The following PIGK variants were observed in gnomAD, a reference collection of about 807,000 sequenced individuals.
PIGK encodes GPI-anchor transamidase.
Under a neutral mutation model 50.6 loss-of-function variants are expected in PIGK, and 42 were observed. The ratio of observed to expected loss-of-function variants is 0.83; its 90% CI spans 0.65 to 1.07. The LOEUF (loss-of-function observed/expected upper bound fraction) is 1.07, where lower values mean the gene tolerates loss of function less well. Ranked by LOEUF, PIGK falls within the 50% of genes least tolerant of loss-of-function variation. The pLI is 0.00. For synonymous variants in PIGK, 151 were observed against 156.0 expected, an observed-to-expected ratio of 0.97 and a Z score of 0.24; for missense variants, 448 against 488.7, an observed-to-expected ratio of 0.92 and a Z score of 0.78.
intron 9 of PIGK, among the ~76,000 whole-genome samples, chr1:77,137,298 T>C (rs1035205911): frequency 6.6e-6 from 1 of 152,142 alleles, no homozygotes; most frequent in African/African-American, 2.4e-5. Context: ...CAACATAAGC[T>C]AGAAGAACCA....
chr1:77,124,287 T>G (rs1258267887), intron 9 of PIGK, among the ~76,000 whole-genome samples: 1 of 152,168 alleles, frequency 6.6e-6, no homozygotes, highest in Non-Finnish European at 1.5e-5. Context: ...CAGTGTATCT[T>G]TTAAAAGTTT....
intron 10 of PIGK, among the ~76,000 whole-genome samples, chr1:77,107,555 T>A (rs1459670499): frequency 1.3e-5 from 2 of 152,298 alleles, no homozygotes; most frequent in East Asian, 3.9e-4. Flanking sequence ...CTGAGAAGAA[T>A]GTATATTTTG....
intron 10 of PIGK, among the ~76,000 whole-genome samples, chr1:77,104,331 G>A (rs1275862973): frequency 6.6e-6 from 1 of 151,868 alleles, no homozygotes; most frequent in Admixed American, 6.6e-5. Flanking sequence ...TAAATCAAAT[G>A]TAAAGAAAAA....
rs1037777705 is a variant in PIGK, at chr1:77,159,111, G to C, written c.813+2184C>G. ...AGGACCCCCTGCACTGTGCAGTCTA[G>C]GGACTTGATGTCCTGTGTCCCAGCC... On this transcript the variant is annotated intron_variant, in intron 8 of 10. Coordinates refer to ENST00000370812, the MANE Select transcript of PIGK (RefSeq NM_005482.3). Among the ~76,000 whole-genome samples, 7 of 152,196 alleles carry C rather than the reference G, an allele frequency of 4.6e-5. No homozygotes were observed. The South Asian group carries it at 8.3e-4, about 18-fold the overall frequency.
rs115723718 is a variant in PIGK at position 77,092,181 on chromosome 1, T to C, written c.*193A>G. ...ATACACAAAATACAAAACTGGAATATATTTAGTGCCATTAAGCAGTTGCAT... is the reference window on the plus strand; with the variant it reads ...ATACACAAAATACAAAACTGGAATACATTTAGTGCCATTAAGCAGTTGCAT... On this transcript the variant is annotated 3_prime_UTR_variant, in exon 11 of 11. Transcript: ENST00000370812. The C allele has an allele frequency of 1.1e-3, 399 of 370,896 alleles. No individual in the cohort carries two copies. The highest frequency in any genetic ancestry group is 7.6e-3 in the African/African-American group (353 of 46,648). The allele number at this position is 370,896 out of a possible 1,614,324, so 23.0% of individuals were successfully genotyped here.
At chr1:77,208,026 G>A (rs1198207202) in intron 2 of PIGK, among the ~76,000 whole-genome samples, 2 of 151,890 alleles carry the variant, frequency 1.3e-5, no homozygotes, top group Non-Finnish European at 2.9e-5. Context: ...GTTAAAGAAC[G>A]GCCTAGGCAA....
rs186093498 is a variant in PIGK, at chr1:77,173,218, G to A, written c.240-3823C>T. Among the ~76,000 whole-genome samples the A allele has an allele frequency of 1.2e-3, 183 of 152,234 alleles. 1 individual carries two copies. Among genetic ancestry groups the A allele is most frequent in the African/African-American group, 4.1e-3 (172 of 41,522 alleles). On this transcript the variant is annotated intron_variant, in intron 3 of 10. Coordinates refer to ENST00000370812, the MANE Select transcript of PIGK (RefSeq NM_005482.3). ...CAATAGAACATTCCAAATGAACAAC[G>A]CAGTGAAATGCATTTAAAACAATGA... is the stretch of plus-strand genomic sequence containing the variant.
At chr1:77,191,543 T>TA (rs909527718) in intron 3 of PIGK, among the ~76,000 whole-genome samples, 14 of 152,210 alleles carry the variant, frequency 9.2e-5, no homozygotes, top group African/African-American at 2.7e-4. Flanking sequence ...ACATTTTGCC[T>TA]AAAAAATGTA....
chr1:77,200,969 T>A (rs1389832434), intron 3 of PIGK, among the ~76,000 whole-genome samples: 1 of 152,212 alleles, frequency 6.6e-6, no homozygotes, highest in Non-Finnish European at 1.5e-5. Flanking sequence ...GAATCCATTT[T>A]GGCAGCTGTT....
intron 3 of PIGK, among the ~76,000 whole-genome samples, chr1:77,186,580 G>C (rs1464155271): frequency 6.6e-6 from 1 of 152,200 alleles, no homozygotes; most frequent in East Asian, 1.9e-4. Flanking sequence ...TCCCATGTGA[G>C]AGCTCAGCAA....
At chr1:77,122,198 A>C in intron 10 of PIGK, 77 bp downstream of exon 10, 2 of 951,404 alleles carry the variant, frequency 2.1e-6, no homozygotes, top group Non-Finnish European at 3.4e-6. Flanking sequence ...ATTGATTCTG[A>C]AAAACCTAAC....
chr1:77,138,915 C>CT (rs1246976038), intron 9 of PIGK, among the ~76,000 whole-genome samples: 1 of 152,102 alleles, frequency 6.6e-6, no homozygotes, highest in Non-Finnish European at 1.5e-5. Flanking sequence ...GAGAGTATGA[C>CT]TGATTACATA....
In PIGK at chr1:77,092,363, C is replaced by A. The variant is rs758136291; in HGVS notation, c.*11G>T. The A allele has an allele frequency of 8.5e-7, 1 of 1,181,578 alleles. No individual in the cohort carries two copies. The highest frequency in any genetic ancestry group is 1.2e-6 in the Non-Finnish European group (1 of 804,254). The allele number at this position is 1,181,578 out of a possible 1,614,324, so 73.2% of individuals were successfully genotyped here. On this transcript the variant is annotated 3_prime_UTR_variant, in exon 11 of 11. Transcript: ENST00000370812. ...TGCAGTCCTCCATGCATTCTTCATT[C>A]ATCATCAAGTCTAAAAAATGAACTT...
At position 77,169,248 on chromosome 1, in the gene PIGK, T is replaced by A. The variant is rs1242042603; in HGVS notation, c.375+12A>T. 1.3e-6 allele frequency: 2 copies of A among 1,508,568 alleles called. No individual in the cohort carries two copies. Among genetic ancestry groups the A allele is most frequent in the East Asian group, 4.7e-5 (2 of 42,110 alleles). The allele number at this position is 1,508,568 out of a possible 1,614,324, so 93.4% of individuals were successfully genotyped here. ...TGCCATTTTAAAAATGTGGCTAGAT[T>A]AAAGAATTTACCTCGTAACTTCTAT... On this transcript the variant is annotated intron_variant, in intron 4 of 10. Transcript: ENST00000370812.
intron 1 of PIGK, among the ~76,000 whole-genome samples, chr1:77,215,947 G>C (rs1342384584): frequency 6.6e-6 from 1 of 152,080 alleles, no homozygotes; most frequent in Non-Finnish European, 1.5e-5. Flanking sequence ...GAAGGTGACG[G>C]GGGGAGTACA....
intron 10 of PIGK, among the ~76,000 whole-genome samples, chr1:77,112,245 T>G (rs978688015): frequency 2.0e-5 from 3 of 151,666 alleles, no homozygotes; most frequent in Admixed American, 6.6e-5. Context: ...TTAACTCTTA[T>G]CAGGAAGCAC....
At chr1:77,155,175 C>A (rs1270529148) in intron 8 of PIGK, among the ~76,000 whole-genome samples, 1 of 152,148 alleles carries the variant, frequency 6.6e-6, no homozygotes, top group African/African-American at 2.4e-5. Context: ...TCCTATGTAG[C>A]ATTTTATATA....
chr1:77,177,066 G>C (rs1655503808), intron 3 of PIGK, among the ~76,000 whole-genome samples: 1 of 152,134 alleles, frequency 6.6e-6, no homozygotes, highest in Admixed American at 6.5e-5. Context: ...ATTTTATAAA[G>C]GGATTTCATT....
rs564219870 is a variant in PIGK at position 77,091,377 on chromosome 1, A to G, written c.*997T>C. ...ATCAGCCAGACATGAAGGCTAGGCC[A>G]TAAGCATACATTTTCTTCACAGGTC... On this transcript the variant is annotated 3_prime_UTR_variant, in exon 11 of 11. Coordinates refer to ENST00000370812, the MANE Select transcript of PIGK (RefSeq NM_005482.3). 5.3e-5 allele frequency: 8 copies of G among 152,360 alleles called. No individual in the cohort carries two copies. The highest frequency in any genetic ancestry group is 1.9e-4 in the African/African-American group (8 of 41,600). The allele number at this position is 152,360 out of a possible 1,614,324, so 9.4% of individuals were successfully genotyped here.
Sources: allele counts gnomAD v4.1 joint callset (sites outside exome capture counted in the v4.1 genomes callset), GRCh38; gene constraint gnomAD v4.1.1; transcripts MANE v1.5; gene names NCBI Gene and HGNC (gene_info 2026-07-23, HGNC 2026-07-21).